The following TRAF3 variants were observed in gnomAD, a reference collection of about 807,000 sequenced individuals.
TRAF3 encodes TNF receptor associated factor 3, also known as TNF receptor-associated factor 3.
A neutral mutation model predicts 62.3 loss-of-function variants in TRAF3; 13 were observed. The observed-to-expected ratio is 0.21, with a 90% CI of 0.14 to 0.33. The LOEUF is 0.33. Ranked by LOEUF, TRAF3 falls within the 10% of genes least tolerant of loss-of-function variation. The pLI, the probability that TRAF3 is intolerant of heterozygous loss-of-function variation, is 1.00. For missense variants in TRAF3, 440 were observed against 741.8 expected (o/e 0.59, Z 4.73); for synonymous variants, 269 against 283.4 (o/e 0.95, Z 0.51).
At chr14:102,851,773 C>T (rs1032873741) in intron 2 of TRAF3, among the ~76,000 whole-genome samples, 6 of 151,640 alleles carry the variant, frequency 4.0e-5, no homozygotes, top group Admixed American at 2.0e-4. Flanking sequence ...TCACAGGCCT[C>T]GTGGGTGGTT....
chr14:102,826,368 C>T lies in TRAF3; in HGVS notation c.-156-3966C>T, dbSNP rs1453636029. Among the ~76,000 whole-genome samples, 4 of 152,146 alleles carry T rather than the reference C, an allele frequency of 2.6e-5. No homozygotes were observed. The highest frequency in any genetic ancestry group is 1.9e-4 in the East Asian group (1 of 5,190). ...GCAGCAGAAGGAACACGTTGAGCAC[C>T]GCAGATACCACCCTGACCGCCACTG... is the stretch of plus-strand genomic sequence containing the variant. On this transcript the variant is annotated intron_variant, in intron 1 of 11. Coordinates refer to ENST00000392745, the MANE Select transcript of TRAF3 (RefSeq NM_145725.3). This position sits in a 1 kb window ranked among gnomAD's most constrained non-coding sequence, Gnocchi z 4.6.
In TRAF3 at chr14:102,909,181, C is replaced by T. The variant is rs1890738562; in HGVS notation, c.*3397C>T. On this transcript the variant is annotated 3_prime_UTR_variant, in exon 12 of 12. Transcript: ENST00000392745. ...GAGCCCCGACATACGCTGGGCCTTT[C>T]AGCTCGCCGTGCTCTGGTGACACAC... is the stretch of plus-strand genomic sequence containing the variant. 6.6e-6 allele frequency: 1 copy of T among 152,252 alleles called. No individual in the cohort carries two copies. The highest frequency in any genetic ancestry group is 2.4e-5 in the African/African-American group (1 of 41,458). 9.4% of individuals were successfully genotyped at this position (152,252 alleles called of 1,614,324 possible).
At chr14:102,813,296 T>G (rs1434343776) in intron 1 of TRAF3, among the ~76,000 whole-genome samples, 1 of 151,974 alleles carries the variant, frequency 6.6e-6, no homozygotes. Flanking sequence ...TAATAGCCAT[T>G]CTAACTGGGG....
At chr14:102,848,520 A>G (rs1886851536) in intron 2 of TRAF3, among the ~76,000 whole-genome samples, 1 of 152,260 alleles carries the variant, frequency 6.6e-6, no homozygotes, top group Non-Finnish European at 1.5e-5. Context: ...GATTTAATAC[A>G]TAGCTATTTT....
At chr14:102,880,621 G>T (rs1292352304) in intron 6 of TRAF3, among the ~76,000 whole-genome samples, 1 of 152,128 alleles carries the variant, frequency 6.6e-6, no homozygotes, top group Non-Finnish European at 1.5e-5. Context: ...TATACCCAAA[G>T]GAATATAAAT....
chr14:102,871,182 C>T (rs572994820), intron 3 of TRAF3, among the ~76,000 whole-genome samples: 8 of 152,318 alleles, frequency 5.3e-5, no homozygotes, highest in African/African-American at 9.6e-5. Context: ...GGGCTGCACC[C>T]GAGCCCCAGC....
intron 1 of TRAF3, among the ~76,000 whole-genome samples, chr14:102,812,116 A>G (rs919702495): frequency 6.6e-6 from 1 of 151,654 alleles, no homozygotes; most frequent in Non-Finnish European, 1.5e-5. Flanking sequence ...ATAGAACACT[A>G]GACTCTGTTC....
At chr14:102,780,320 T>C (rs1555364675) in intron 1 of TRAF3, among the ~76,000 whole-genome samples, 1 of 150,810 alleles carries the variant, frequency 6.6e-6, no homozygotes, top group Non-Finnish European at 1.5e-5. Flanking sequence ...CAGTTTTAAA[T>C]AGAAAAGAAA....
intron 1 of TRAF3, among the ~76,000 whole-genome samples, chr14:102,798,070 G>A (rs1898198620): frequency 6.6e-6 from 1 of 152,098 alleles, no homozygotes; most frequent in Non-Finnish European, 1.5e-5. Flanking sequence ...GGAAAGAGAG[G>A]ACAGGATATG....
rs552349090 is a variant in TRAF3 at position 102,808,065 on chromosome 14, A to G, written c.-156-22269A>G. On this transcript the variant is annotated intron_variant, in intron 1 of 11. Transcript: ENST00000392745. Reference sequence around the variant, plus strand: ...AATGCATGGATGGAATGCATGGTCCAGGTGTTTATAACTGTGCATTTATTT... The same window carrying G: ...AATGCATGGATGGAATGCATGGTCCGGGTGTTTATAACTGTGCATTTATTT... Among the ~76,000 whole-genome samples, 7 of 152,344 alleles carry G rather than the reference A, an allele frequency of 4.6e-5. 1 individual carries two copies. The highest frequency in any genetic ancestry group is 2.6e-4 in the Admixed American group (4 of 15,294).
chr14:102,847,732 A>C (rs1392291021), intron 2 of TRAF3, among the ~76,000 whole-genome samples: 1 of 152,184 alleles, frequency 6.6e-6, no homozygotes, highest in Non-Finnish European at 1.5e-5. Flanking sequence ...TTCATCTTGC[A>C]TAAAAATCAA....
rs1015592937 is a variant in TRAF3, at chr14:102,795,996, C to A, written c.-157+18321C>A. Among the ~76,000 whole-genome samples the A allele has an allele frequency of 3.9e-5, 6 of 152,212 alleles. 1 individual carries two copies. The highest frequency in any genetic ancestry group is 6.8e-3 in the Middle Eastern group (2 of 294). On this transcript the variant is annotated intron_variant, in intron 1 of 11. Coordinates refer to ENST00000392745, the MANE Select transcript of TRAF3 (RefSeq NM_145725.3). ...CTTTGGGAGGCTGAGGCGGGCGGAT[C>A]ACCTGAGGTCAGGAGTTTGAGACCA...
intron 1 of TRAF3, among the ~76,000 whole-genome samples, chr14:102,800,172 T>G (rs1898306447): frequency 6.6e-6 from 1 of 151,998 alleles, no homozygotes; most frequent in South Asian, 2.1e-4. Flanking sequence ...AAATTCAGAT[T>G]TAGAGGGAAT....
Position 102,870,226 on chromosome 14 carries a change from T to C in TRAF3, c.25T>C (p.Ser9Pro). Residue 9 changes from serine to proline, a missense_variant, in exon 3 of 12, where the codon TCT becomes CCT. Physicochemically the swap from Ser to Pro is moderately conservative, Grantham distance 74. Transcript: ENST00000392745. Reference protein sequence around the residue: MESSKKMDSPGALQTNPPL... With the variant: MESSKKMDPPGALQTNPPL... ...AATGGAGTCGAGTAAAAAGATGGAC[T>C]CTCCTGGCGCGCTGCAGACTAACCC... The C allele has an allele frequency of 6.2e-7, 1 of 1,614,114 alleles. No individual in the cohort carries two copies. Among genetic ancestry groups the C allele is most frequent in the Non-Finnish European group, 8.5e-7 (1 of 1,180,016 alleles).
intron 1 of TRAF3, among the ~76,000 whole-genome samples, chr14:102,794,783 A>G (rs1897979515): frequency 6.6e-6 from 1 of 152,198 alleles, no homozygotes; most frequent in Non-Finnish European, 1.5e-5. Flanking sequence ...TGTGTTCTGA[A>G]TCAATAATTT....
At chr14:102,859,175 T>C (rs1034536079) in intron 2 of TRAF3, among the ~76,000 whole-genome samples, 5 of 144,844 alleles carry the variant, frequency 3.5e-5, no homozygotes, top group Non-Finnish European at 5.9e-5. Context: ...AACAATCCCT[T>C]AACCCTTTAA....
At chr14:102,871,417 G>T (rs993327988) in intron 3 of TRAF3, among the ~76,000 whole-genome samples, 1 of 152,206 alleles carries the variant, frequency 6.6e-6, no homozygotes, top group Non-Finnish European at 1.5e-5. Flanking sequence ...GAAGCTTCCC[G>T]GTGGAGGAGG....
At chr14:102,885,349 T>C (rs887619478) in intron 6 of TRAF3, among the ~76,000 whole-genome samples, 2 of 152,164 alleles carry the variant, frequency 1.3e-5, no homozygotes, top group African/African-American at 4.8e-5. Flanking sequence ...TGGGGGAGGA[T>C]TGAGGCATCC....
intron 2 of TRAF3, among the ~76,000 whole-genome samples, chr14:102,856,093 C>G (rs1887349400): frequency 8.7e-6 from 1 of 114,850 alleles, no homozygotes; most frequent in African/African-American, 4.1e-5. Context: ...AAAACCCTGT[C>G]TCACAAAAAA....
Sources: gnomAD v4.1 joint callset for allele counts (sites outside exome capture counted in the v4.1 genomes callset) on GRCh38, gnomAD v4.1.1 for gene constraint, Gnocchi (gnomAD v3.1) non-coding constraint, MANE v1.5 for transcripts, NCBI Gene and HGNC (gene_info 2026-07-23, HGNC 2026-07-21) for gene names.